GLB1L3: variants seen among roughly 807,000 people sequenced by gnomAD.
GLB1L3 encodes the protein beta-galactosidase-1-like protein 3.
GLB1L3 carries 89 observed loss-of-function variants against 89.5 expected under a neutral mutation model. The ratio of observed to expected loss-of-function variants is 0.99; its 90% CI spans 0.84 to 1.19. The LOEUF (loss-of-function observed/expected upper bound fraction) is 1.19, where lower values mean the gene tolerates loss of function less well. Ranked by LOEUF, GLB1L3 falls within the 50% of genes most tolerant of loss-of-function variation. The pLI, the probability that GLB1L3 is intolerant of heterozygous loss-of-function variation, is 0.00. For synonymous variants in GLB1L3, 314 were observed against 312.3 expected (o/e 1.01, Z -0.06); for missense variants, 812 against 813.3 (o/e 1.00, Z 0.02).
At chr11:134,305,419 A>G (rs115383784) in intron 9 of GLB1L3, 30 of 366,432 alleles carry the variant, frequency 8.2e-5, no homozygotes, top group South Asian at 3.0e-4. Context: ...TAGACCTTCA[A>G]TGCTTTTGCG....
chr11:134,292,726 G>A, intron 8 of GLB1L3: 1 of 297,462 alleles, frequency 3.4e-6, no homozygotes, highest in South Asian at 3.8e-5. Flanking sequence ...GCAATAGTGA[G>A]GGACACGCCC....
At chr11:134,314,964 A>C (rs1049568075) in intron 18 of GLB1L3, among the ~76,000 whole-genome samples, 17 of 152,328 alleles carry the variant, frequency 1.1e-4, no homozygotes, top group African/African-American at 3.4e-4. Flanking sequence ...AATGATCACA[A>C]AGTGAACACC....
intron 9 of GLB1L3, among the ~76,000 whole-genome samples, chr11:134,306,528 CA>C (rs1942211459): frequency 6.6e-6 from 1 of 152,150 alleles, no homozygotes; most frequent in Non-Finnish European, 1.5e-5. Flanking sequence ...TAGAGTGAGA[CA>C]ATCTTAGAGC....
At chr11:134,308,185 C>T (rs1333252379) in intron 10 of GLB1L3, among the ~76,000 whole-genome samples, 2 of 118,150 alleles carry the variant, frequency 1.7e-5, no homozygotes, top group East Asian at 2.9e-4. Context: ...CCACCATCAC[C>T]ATCATCACCA....
chr11:134,309,112 A>G (rs571409265), intron 10 of GLB1L3, among the ~76,000 whole-genome samples: 2 of 152,348 alleles, frequency 1.3e-5, no homozygotes, highest in Admixed American at 1.3e-4. Context: ...TATGATTTCA[A>G]AAAACTTAAG....
chr11:134,312,916 C>T (rs1385850431), intron 15 of GLB1L3, 29 bp downstream of exon 15: 2 of 1,414,790 alleles, frequency 1.4e-6, no homozygotes, highest in Admixed American at 3.6e-5. Context: ...CAGGTGATGC[C>T]CTCGACCCCC....
chr11:134,293,103 C>T (rs1478093608), intron 8 of GLB1L3, 42 bp from the exon 9 acceptor site: 10 of 1,572,474 alleles, frequency 6.4e-6, no homozygotes, highest in Non-Finnish European at 8.8e-6. Flanking sequence ...CCTGACAGCA[C>T]TTGTCTCATG....
At chr11:134,283,065 G>T (rs920260771) in intron 5 of GLB1L3, among the ~76,000 whole-genome samples, 2 of 151,994 alleles carry the variant, frequency 1.3e-5, no homozygotes, top group Non-Finnish European at 2.9e-5. Context: ...CTGTCCCCAA[G>T]AATTTTTTTT....
At chr11:134,287,103 G>C (rs1285601469) in intron 6 of GLB1L3, 1 of 152,144 alleles carries the variant, frequency 6.6e-6, no homozygotes, top group Non-Finnish European at 1.5e-5. Context: ...GGAGCTTGCA[G>C]GGAGCCAAGA....
chr11:134,299,600 T>G (rs941396731), intron 9 of GLB1L3, among the ~76,000 whole-genome samples: 1 of 152,206 alleles, frequency 6.6e-6, no homozygotes, highest in Admixed American at 6.5e-5. Context: ...GTTTTCTCTG[T>G]GTCTGCATTC....
Position 134,303,956 on chromosome 11 carries a change from G to A in GLB1L3, c.877-3168G>A, listed in dbSNP as rs867997047. Among the ~76,000 whole-genome samples, 25 of 152,142 alleles carry A rather than the reference G, an allele frequency of 1.6e-4. No individual in the cohort carries two copies. In the Middle Eastern group the frequency reaches 0.01, roughly 62 times the overall value. ...CACTGCTGTGATGGGGAGGGCTTCT[G>A]TCAGGCTTTCTTTTCTCCTTTATTA... On this transcript the variant is annotated intron_variant, in intron 9 of 19. Transcript: ENST00000431683.
chr11:134,314,023 T>C lies in GLB1L3; in HGVS notation c.1662T>C (p.Phe554=). The change falls in exon 17 of 20, where the codon TTT becomes TTC. Residue 554 remains phenylalanine, a synonymous_variant. Transcript: ENST00000431683. The stretch of plus-strand genomic sequence containing the variant: ...CCCTGGAGATGAAAATGAGCTTCTT[T>C]GAGAGGTATGCTCCAGCTGGCCCCC... ...IYSLEMKMSF[F]ERLRSATWKP... 6.2e-7 allele frequency: 1 copy of C among 1,605,860 alleles called. No homozygotes were observed. The highest frequency in any genetic ancestry group is 8.5e-7 in the Non-Finnish European group (1 of 1,173,266).
intron 10 of GLB1L3, among the ~76,000 whole-genome samples, chr11:134,308,203 T>TACCACCACCACC (rs1356980088): frequency 0.045 from 1,352 of 30,376 alleles, 309 homozygotes; most frequent in Admixed American, 0.067. Flanking sequence ...CCATCACCAC[T>TACCACCACCACC]ACCACCACCA....
rs752021148 is a variant in GLB1L3, at chr11:134,309,741, C to G, written c.1077C>G (p.His359Gln). 1 of 1,613,440 alleles carries G rather than the reference C, an allele frequency of 6.2e-7. No homozygotes were observed. Among genetic ancestry groups the G allele is most frequent in the East Asian group, 2.2e-5 (1 of 44,868 alleles). The change falls in exon 11 of 20, where the codon CAC becomes CAG. Residue 359 changes from histidine (H) to glutamine (Q), a missense_variant. His to Gln is a conservative substitution (Grantham distance 24). Coordinates refer to ENST00000431683, the MANE Select transcript of GLB1L3 (RefSeq NM_001080407.3). ...FMNGATYFGKHSGIVTSYDYD... is the reference protein window; with the variant it reads ...FMNGATYFGKQSGIVTSYDYD... ...ACGGGGCCACATATTTCGGGAAGCA[C>G]TCGGGCATTGTCACCAGCTATGGCA...
At chr11:134,301,173 G>A (rs940694773) in intron 9 of GLB1L3, among the ~76,000 whole-genome samples, 3 of 152,186 alleles carry the variant, frequency 2.0e-5, no homozygotes, top group Admixed American at 2.0e-4. Context: ...TCTTCCTGCA[G>A]GCATCAGGTT....
intron 6 of GLB1L3, 48 bp downstream of exon 6, chr11:134,283,893 AAG>A (rs1337267074): frequency 8.9e-7 from 1 of 1,117,678 alleles, no homozygotes; most frequent in Admixed American, 1.8e-5. Flanking sequence ...CCTTTAGGGA[AAG>A]AGTTTGTTCT....
At chr11:134,317,449 G>A (rs948880212) in intron 18 of GLB1L3, among the ~76,000 whole-genome samples, 2 of 152,012 alleles carry the variant, frequency 1.3e-5, no homozygotes, top group Admixed American at 6.5e-5. Context: ...GTCATTACTT[G>A]TTAGATTTAT....
At chr11:134,308,190 T>A (rs1399491063) in intron 10 of GLB1L3, among the ~76,000 whole-genome samples, 2 of 79,130 alleles carry the variant, frequency 2.5e-5, no homozygotes, top group African/African-American at 6.4e-5. Context: ...ATCACCATCA[T>A]CACCATCACC....
rs371067449 is a variant in GLB1L3 at position 134,312,311 on chromosome 11, A to C, written c.1288-38A>C. The C allele has an allele frequency of 7.2e-5, 116 of 1,606,616 alleles. No homozygotes were observed. In the Middle Eastern group the frequency reaches 9.9e-4, roughly 14 times the overall value. ...TTAGGAAGGAGGATCCTGACTGCTCAGCCCTTGGACTTCTGCTCTTGCCAT... is the reference window on the plus strand; with the variant it reads ...TTAGGAAGGAGGATCCTGACTGCTCCGCCCTTGGACTTCTGCTCTTGCCAT... On this transcript the variant is annotated intron_variant, in intron 13 of 19. Coordinates refer to ENST00000431683, the MANE Select transcript of GLB1L3 (RefSeq NM_001080407.3).
Sources: allele counts gnomAD v4.1 joint callset (sites outside exome capture counted in the v4.1 genomes callset), GRCh38; gene constraint gnomAD v4.1.1; transcripts MANE v1.5; gene names NCBI Gene and HGNC (gene_info 2026-07-23, HGNC 2026-07-21).